DHX57: variants seen among roughly 807,000 people sequenced by gnomAD.
DHX57 encodes putative ATP-dependent RNA helicase DHX57.
In DHX57, 105 loss-of-function variants were observed where a neutral mutation model predicts 156.2. The ratio of observed to expected loss-of-function variants is 0.67; its 90% CI spans 0.57 to 0.79. DHX57 has a LOEUF of 0.79. Ranked by LOEUF, DHX57 falls within the 30% of genes least tolerant of loss-of-function variation. DHX57 has a pLI of 0.00. For missense variants in DHX57, 1,847 were observed against 1,661.9 expected (o/e 1.11, Z -1.94); for synonymous variants, 704 against 595.6 (o/e 1.18, Z -2.65).
intron 6 of DHX57, chr2:38,856,987 G>A (rs1477327674): frequency 1.3e-5 from 2 of 153,390 alleles, no homozygotes; most frequent in Non-Finnish European, 2.9e-5. Flanking sequence ...AAGATTTTCT[G>A]GGTGAAATAA....
intron 23 of DHX57, among the ~76,000 whole-genome samples, chr2:38,798,944 C>G (rs1432565867): frequency 6.6e-6 from 1 of 151,322 alleles, no homozygotes; most frequent in Non-Finnish European, 1.5e-5. Flanking sequence ...CTCTGTCCCC[C>G]CTGCTCCCCA....
At chr2:38,817,847 G>C (rs1348053773) in intron 19 of DHX57, among the ~76,000 whole-genome samples, 1 of 152,012 alleles carries the variant, frequency 6.6e-6, no homozygotes, top group African/African-American at 2.4e-5. Flanking sequence ...ACAGGCCCAT[G>C]TCACTAGGTC....
chr2:38,849,947 G>C (rs1672495492), intron 9 of DHX57, among the ~76,000 whole-genome samples: 1 of 151,812 alleles, frequency 6.6e-6, no homozygotes, highest in Admixed American at 6.6e-5. Flanking sequence ...TTTCTTCTTA[G>C]CACTTACCAT....
intron 19 of DHX57, chr2:38,816,016 C>G (rs1670528075): frequency 4.9e-6 from 2 of 406,174 alleles, no homozygotes; most frequent in African/African-American, 2.1e-5. Context: ...ACTGGAATTC[C>G]AACTCCAAGT....
At chr2:38,874,284 T>C (rs1424468201) in intron 1 of DHX57, among the ~76,000 whole-genome samples, 1 of 151,784 alleles carries the variant, frequency 6.6e-6, no homozygotes, top group Non-Finnish European at 1.5e-5. Context: ...AGAAATGAGG[T>C]TTCGCTTTGC....
At chr2:38,800,613 G>A (rs1332505593) in intron 23 of DHX57, among the ~76,000 whole-genome samples, 1 of 152,122 alleles carries the variant, frequency 6.6e-6, no homozygotes, top group Non-Finnish European at 1.5e-5. Flanking sequence ...ACATCCCTTT[G>A]GTCACAGGGA....
chr2:38,815,171 A>G (rs1670462140), intron 20 of DHX57, among the ~76,000 whole-genome samples: 1 of 151,446 alleles, frequency 6.6e-6, no homozygotes, highest in African/African-American at 2.4e-5. Context: ...GGATCACATC[A>G]TTCTCCCACC....
chr2:38,814,099 G>A (rs573904486), intron 20 of DHX57, among the ~76,000 whole-genome samples: 59 of 152,168 alleles, frequency 3.9e-4, no homozygotes, highest in African/African-American at 1.3e-3. Context: ...CGCTATGCCC[G>A]GTTAATTTTT....
chr2:38,862,214 C>A lies in DHX57; in HGVS notation c.503G>T (p.Gly168Val). 1 of 1,613,930 alleles carries A rather than the reference C, an allele frequency of 6.2e-7. No homozygotes were observed. Among genetic ancestry groups the A allele is most frequent in the Non-Finnish European group, 8.5e-7 (1 of 1,179,870 alleles). ...AACATAAGGCTCCACTGAGGCTAAG[C>A]CAGCATATTCCAAAGGATCCAAGTC... ...VPDLDPLEYA[G>V]LASVEPYVPE... The change falls in exon 4 of 24, where the codon GGC (glycine) becomes GTC (valine). Residue 168 changes from glycine to valine, a missense_variant. Gly to Val is a moderately radical substitution (Grantham distance 109). Coordinates refer to ENST00000457308, the MANE Select transcript of DHX57 (RefSeq NM_198963.3).
chr2:38,801,582 T>TAAAA, intron 23 of DHX57, among the ~76,000 whole-genome samples: 1 of 151,608 alleles, frequency 6.6e-6, no homozygotes, highest in South Asian at 2.1e-4. Flanking sequence ...GCTAATTTTT[T>TAAAA]TTTTTGTATT....
rs754292130 is a variant in DHX57 at position 38,826,518 on chromosome 2, C to G, written c.2811G>C (p.Lys937Asn). 6.2e-7 allele frequency: 1 copy of G among 1,613,662 alleles called. No individual in the cohort carries two copies. Among genetic ancestry groups the G allele is most frequent in the Non-Finnish European group, 8.5e-7 (1 of 1,179,676 alleles). ...YVIDSGKMKE[K>N]RYDASKGMES... is the part of the protein sequence containing the mutation. ...TACATCACCACAAGACGGAATACCT[C>G]TTTTCTTTCATTTTCCCAGAATCGA... The change falls in exon 15 of 24, where the codon AAG (lysine) becomes AAC (asparagine). Residue 937 changes from lysine (K) to asparagine (N), a missense_variant and splice_region_variant. Transcript: ENST00000457308.
intron 13 of DHX57, among the ~76,000 whole-genome samples, chr2:38,835,518 C>A (rs1482881061): frequency 6.6e-6 from 1 of 152,162 alleles, no homozygotes; most frequent in Non-Finnish European, 1.5e-5. Context: ...TGCCACTGGC[C>A]ACCCAGAACC....
chr2:38,848,610 A>G (rs1463260638), intron 9 of DHX57, among the ~76,000 whole-genome samples: 1 of 152,154 alleles, frequency 6.6e-6, no homozygotes, highest in African/African-American at 2.4e-5. Context: ...TTGGAACCAG[A>G]AGTGTTTCAG....
chr2:38,815,739 G>A (rs1453535121), intron 19 of DHX57, 84 bp from the exon 20 acceptor site: 1 of 1,559,300 alleles, frequency 6.4e-7, no homozygotes, highest in Non-Finnish European at 8.8e-7. Flanking sequence ...TTATAAAAAT[G>A]CATTATTTCA....
chr2:38,814,848 G>A lies in DHX57; in HGVS notation c.3606+673C>T, dbSNP rs546243517. Among the ~76,000 whole-genome samples the A allele has an allele frequency of 5.9e-5, 9 of 151,464 alleles. No individual in the cohort carries two copies. The South Asian group carries it at 6.3e-4, about 11-fold the overall frequency. On this transcript the variant is annotated intron_variant, in intron 20 of 23. Transcript: ENST00000457308. ...AGCGATTCTCCTGCCTCAGCCTCCC[G>A]AGTAGCTGGGATTACAGGCATGTGC...
intron 4 of DHX57, 90 bp downstream of exon 4, chr2:38,862,040 TGGAACCCACATAATA>T: frequency 7.4e-7 from 1 of 1,353,504 alleles, no homozygotes; most frequent in Non-Finnish European, 9.9e-7. Flanking sequence ...CAGGCATTGC[TGGAACCCACATAATA>T]GGAAAGTACA....
intron 12 of DHX57, among the ~76,000 whole-genome samples, chr2:38,839,745 A>T (rs1671882619): frequency 1.3e-5 from 2 of 152,022 alleles, no homozygotes; most frequent in South Asian, 4.2e-4. Flanking sequence ...GAGTTTTGAA[A>T]CAATGTTGTT....
In DHX57 at chr2:38,802,929, C is replaced by A. The variant is rs189873698; in HGVS notation, c.3817-14G>T. 1 of 1,613,964 alleles carries A rather than the reference C, an allele frequency of 6.2e-7. No homozygotes were observed. Among genetic ancestry groups the A allele is most frequent in the Admixed American group, 1.7e-5 (1 of 59,978 alleles). The stretch of plus-strand genomic sequence containing the variant: ...AAAGTGTCTCACCTGTAACAAAAAA[C>A]CTCAGATGATGACAGTGATGTCACT... On this transcript the variant is annotated splice_polypyrimidine_tract_variant and intron_variant, in intron 22 of 23. Coordinates refer to ENST00000457308, the MANE Select transcript of DHX57 (RefSeq NM_198963.3).
chr2:38,862,028 A>G (rs1395870889), intron 4 of DHX57, 117 bp downstream of exon 4: 2 of 1,279,132 alleles, frequency 1.6e-6, no homozygotes, highest in Admixed American at 5.5e-5. Context: ...TATTAGGCCT[A>G]TCAGGCATTG....
Sources: gnomAD v4.1 joint callset for allele counts (sites outside exome capture counted in the v4.1 genomes callset) on GRCh38, gnomAD v4.1.1 for gene constraint, MANE v1.5 for transcripts, NCBI Gene and HGNC (gene_info 2026-07-23, HGNC 2026-07-21) for gene names.